The following SGIP1 variants were observed in gnomAD, a reference collection of about 807,000 sequenced individuals.
The protein encoded by SGIP1 is SH3GL interacting endocytic adaptor 1, also known as SH3-containing GRB2-like protein 3-interacting protein 1.
SGIP1 carries 38 observed loss-of-function variants against 107.5 expected under a neutral mutation model. That is an observed-to-expected ratio of 0.35 (90% CI 0.27 to 0.46). The LOEUF (loss-of-function observed/expected upper bound fraction) is 0.46. Ranked by LOEUF, SGIP1 falls within the 20% of genes least tolerant of loss-of-function variation. The pLI, the probability that SGIP1 is intolerant of heterozygous loss-of-function variation, is 1.00. For missense variants in SGIP1, 929 were observed against 1,019.5 expected, an observed-to-expected ratio of 0.91 and a Z score of 1.21; for synonymous variants, 365 against 366.1, an observed-to-expected ratio of 1.00 and a Z score of 0.03.
chr1:66,551,525 T>C (rs2057405901), intron 1 of SGIP1, among the ~76,000 whole-genome samples: 2 of 152,190 alleles, frequency 1.3e-5, no homozygotes, highest in South Asian at 4.1e-4. Context: ...ATACTTTCAT[T>C]GTAGTTAAGG....
At chr1:66,638,832 G>A (rs1160416230) in intron 4 of SGIP1, among the ~76,000 whole-genome samples, 1 of 152,176 alleles carries the variant, frequency 6.6e-6, no homozygotes, top group East Asian at 1.9e-4. Context: ...GAGGTCCTGT[G>A]TCCAAGCCTC....
chr1:66,604,073 T>C (rs1419672467), intron 1 of SGIP1, among the ~76,000 whole-genome samples: 2 of 152,206 alleles, frequency 1.3e-5, no homozygotes, highest in Non-Finnish European at 2.9e-5. Context: ...TTATATGTGT[T>C]AGCTTATTTC....
intron 1 of SGIP1, among the ~76,000 whole-genome samples, chr1:66,595,775 T>C (rs2064539525): frequency 6.6e-6 from 1 of 152,200 alleles, no homozygotes; most frequent in African/African-American, 2.4e-5. Flanking sequence ...TACAACAAAC[T>C]GGATCTATCT....
chr1:66,670,169 G>T (rs2083449736), intron 9 of SGIP1, among the ~76,000 whole-genome samples: 1 of 152,112 alleles, frequency 6.6e-6, no homozygotes, highest in Non-Finnish European at 1.5e-5. Flanking sequence ...CATCCTGGTG[G>T]TCTAGTTTTC....
At chr1:66,578,750 C>T (rs899979602) in intron 1 of SGIP1, among the ~76,000 whole-genome samples, 5 of 152,130 alleles carry the variant, frequency 3.3e-5, no homozygotes, top group African/African-American at 1.2e-4. Context: ...CAGCTCATCA[C>T]AATCTCCGCC....
chr1:66,709,211 T>A (rs772617694), intron 18 of SGIP1, among the ~76,000 whole-genome samples: 30 of 137,586 alleles, frequency 2.2e-4, no homozygotes, highest in Non-Finnish European at 3.9e-4. Flanking sequence ...CCCCAGTGTG[T>A]GATGTTCCCC....
intron 7 of SGIP1, among the ~76,000 whole-genome samples, chr1:66,657,366 G>A (rs1485802783): frequency 6.6e-6 from 1 of 152,086 alleles, no homozygotes; most frequent in African/African-American, 2.4e-5. Context: ...AAGCTAGGAA[G>A]CAAGCAGAGA....
Position 66,615,072 on chromosome 1 carries a change from C to T in SGIP1, c.11-10775C>T, listed in dbSNP as rs886642622. Among the ~76,000 whole-genome samples, 8 of 152,102 alleles carry T rather than the reference C, an allele frequency of 5.3e-5. No individual in the cohort carries two copies. In the East Asian group the frequency reaches 1.2e-3, roughly 22 times the overall value. On this transcript the variant is annotated intron_variant, in intron 1 of 24. Transcript: ENST00000371037. ...CTGACCTCAGGTGATCCACCCACCT[C>T]GGTCTCCTAAAACACTGGGATTACA...
At chr1:66,630,765 C>T (rs1203242748) in intron 2 of SGIP1, among the ~76,000 whole-genome samples, 2 of 140,444 alleles carry the variant, frequency 1.4e-5, no homozygotes, top group Non-Finnish European at 3.0e-5. Flanking sequence ...GAGATTTTGC[C>T]ATTGCACACC....
intron 1 of SGIP1, among the ~76,000 whole-genome samples, chr1:66,556,889 C>G (rs1306841024): frequency 6.6e-6 from 1 of 152,088 alleles, no homozygotes; most frequent in African/African-American, 2.4e-5. Context: ...TCACTGAATG[C>G]CAGTTATTTA....
chr1:66,605,635 C>A (rs1031726595), intron 1 of SGIP1, among the ~76,000 whole-genome samples: 2 of 151,698 alleles, frequency 1.3e-5, no homozygotes, highest in Non-Finnish European at 2.9e-5. Flanking sequence ...ACAGCCCAAA[C>A]AATGACTCAC....
intron 4 of SGIP1, among the ~76,000 whole-genome samples, chr1:66,638,087 T>G (rs888818864): frequency 2.6e-5 from 4 of 152,074 alleles, no homozygotes; most frequent in African/African-American, 9.7e-5. Flanking sequence ...CCTTTTGATC[T>G]CCTATCAATA....
rs1163413189 is a variant in SGIP1, at chr1:66,748,353, A to C, written c.*5258A>C. The C allele has an allele frequency of 2.6e-5, 4 of 152,008 alleles. No individual in the cohort carries two copies. The highest frequency in any genetic ancestry group is 9.7e-5 in the African/African-American group (4 of 41,432). 9.4% of individuals were successfully genotyped at this position (152,008 alleles called of 1,614,324 possible). On this transcript the variant is annotated 3_prime_UTR_variant, in exon 25 of 25. Transcript: ENST00000371037. Reference sequence around the variant, plus strand: ...AATGTTCTGTCATCTTCTGCAAGCTAGAGTTGCACTGCTGACATCTAATTA... The same window carrying C: ...AATGTTCTGTCATCTTCTGCAAGCTCGAGTTGCACTGCTGACATCTAATTA...
intron 6 of SGIP1, 145 bp from the exon 7 acceptor site, chr1:66,643,399 C>T (rs1034301330): frequency 3.4e-6 from 2 of 588,894 alleles, no homozygotes; most frequent in African/African-American, 1.9e-5. Flanking sequence ...AAATTCTAAC[C>T]CCTTCCTCCT....
rs920705834 is a variant in SGIP1, at chr1:66,643,687, A to G, written c.427A>G (p.Ile143Val). The stretch of plus-strand genomic sequence containing the variant: ...AACTGTAGATGAATTGAAGGCATCA[A>G]TAGGCAACATCGCACTTTCCCCATC... ...AATVDELKASIGNIALSPSPV... is the reference protein window; with the variant it reads ...AATVDELKASVGNIALSPSPV... The change falls in exon 7 of 25, where the codon ATA (isoleucine) becomes GTA (valine). Residue 143 changes from isoleucine to valine, a missense_variant. Around this residue, in one of 2 missense-constraint regions of SGIP1, gnomAD observed 588 missense variants for 588.6 expected, o/e 1.00. Coordinates refer to ENST00000371037, the MANE Select transcript of SGIP1 (RefSeq NM_032291.4). 1.9e-6 allele frequency: 3 copies of G among 1,611,234 alleles called. No homozygotes were observed. The highest frequency in any genetic ancestry group is 2.5e-6 in the Non-Finnish European group (3 of 1,179,158).
chr1:66,580,785 C>T (rs2061707763), intron 1 of SGIP1, among the ~76,000 whole-genome samples: 1 of 152,166 alleles, frequency 6.6e-6, no homozygotes, highest in East Asian at 1.9e-4. Context: ...CTACATAGCG[C>T]TTTTTATGAA....
At chr1:66,688,629 G>T (rs745524332) in intron 15 of SGIP1, among the ~76,000 whole-genome samples, 6 of 152,142 alleles carry the variant, frequency 3.9e-5, no homozygotes, top group Non-Finnish European at 7.4e-5. Context: ...CAGTGTTTGG[G>T]TACATTGATA....
chr1:66,564,386 A>C (rs142721316), intron 1 of SGIP1, among the ~76,000 whole-genome samples: 105 of 152,056 alleles, frequency 6.9e-4, no homozygotes, highest in African/African-American at 2.0e-3. Context: ...GGAAGCAGAG[A>C]GTGACCGGAT....
chr1:66,684,764 G>T (rs1383271339), intron 15 of SGIP1, among the ~76,000 whole-genome samples: 1 of 152,156 alleles, frequency 6.6e-6, no homozygotes, highest in East Asian at 1.9e-4. Context: ...GATCTAATTA[G>T]GAAGAAAGGA....
Sources: allele counts gnomAD v4.1 joint callset (sites outside exome capture counted in the v4.1 genomes callset), GRCh38; gene constraint gnomAD v4.1.1; regional missense constraint gnomAD v4.1.1; transcripts MANE v1.5; gene names NCBI Gene and HGNC (gene_info 2026-07-23, HGNC 2026-07-21).